CNTN4: variants seen among roughly 807,000 people sequenced by gnomAD.
CNTN4 encodes contactin 4.
Under a neutral mutation model 122.5 loss-of-function variants are expected in CNTN4, and 77 were observed. That is an observed-to-expected ratio of 0.63 (90% CI 0.52 to 0.76). The LOEUF (loss-of-function observed/expected upper bound fraction) is 0.76, where lower values mean the gene tolerates loss of function less well. Among genes scored for constraint, CNTN4 ranks in the 30% least tolerant of loss-of-function variants. The probability of loss-of-function intolerance (pLI) is 0.00; values close to 1 mark genes in which losing one functional copy is unlikely to be tolerated. For synonymous variants in CNTN4, 512 were observed against 447.0 expected (o/e 1.15, Z -1.83); for missense variants, 1,256 against 1,259.1 (o/e 1.00, Z 0.04).
intron 2 of CNTN4, among the ~76,000 whole-genome samples, chr3:2,231,659 G>C (rs2039493155): frequency 6.6e-6 from 1 of 152,034 alleles, no homozygotes; most frequent in Non-Finnish European, 1.5e-5. Flanking sequence ...AATCAAATTG[G>C]TTATTTTGGG....
At chr3:2,182,764 C>A (rs1237215514) in intron 2 of CNTN4, among the ~76,000 whole-genome samples, 4 of 151,418 alleles carry the variant, frequency 2.6e-5, no homozygotes, top group Admixed American at 2.0e-4. Flanking sequence ...AAAACTTCCG[C>A]ATAAGTTTGT....
chr3:2,288,544 T>C (rs2042022434), intron 2 of CNTN4, among the ~76,000 whole-genome samples: 1 of 152,064 alleles, frequency 6.6e-6, no homozygotes, highest in South Asian at 2.1e-4. Flanking sequence ...CAACATGAGA[T>C]TTTGAGGAGA....
chr3:2,212,823 C>T (rs1165979663), intron 2 of CNTN4, among the ~76,000 whole-genome samples: 1 of 152,146 alleles, frequency 6.6e-6, no homozygotes, highest in Non-Finnish European at 1.5e-5. Context: ...AGATGAGAAC[C>T]AAAGATATTT....
chr3:2,787,787 G>A (rs1204758596), intron 6 of CNTN4, among the ~76,000 whole-genome samples: 7 of 77,252 alleles, frequency 9.1e-5, no homozygotes, highest in South Asian at 5.1e-4. Context: ...TGTTTTGTGG[G>A]TTTTTGTTTT....
intron 3 of CNTN4, among the ~76,000 whole-genome samples, chr3:2,357,227 C>A (rs1559482546): frequency 6.6e-6 from 1 of 152,146 alleles, no homozygotes; most frequent in Non-Finnish European, 1.5e-5. Context: ...GTTTTCATAT[C>A]CAGAATCACT....
chr3:2,669,034 A>G (rs1019382206), intron 4 of CNTN4, among the ~76,000 whole-genome samples: 2 of 152,118 alleles, frequency 1.3e-5, no homozygotes, highest in African/African-American at 4.8e-5. Context: ...TTCATCAGGT[A>G]TATTGGTCTA....
At chr3:2,133,440 A>G (rs1275813518) in intron 2 of CNTN4, among the ~76,000 whole-genome samples, 1 of 152,224 alleles carries the variant, frequency 6.6e-6, no homozygotes, top group Non-Finnish European at 1.5e-5. Context: ...GAATAAGATA[A>G]TGATGGTATT....
At chr3:2,528,975 T>C (rs2077498541) in intron 3 of CNTN4, among the ~76,000 whole-genome samples, 1 of 152,156 alleles carries the variant, frequency 6.6e-6, no homozygotes, top group Non-Finnish European at 1.5e-5. Flanking sequence ...TCCTCTCTTC[T>C]AGCTTTCTGA....
intron 3 of CNTN4, among the ~76,000 whole-genome samples, chr3:2,528,333 G>A (rs1040462700): frequency 1.3e-5 from 2 of 152,024 alleles, no homozygotes; most frequent in South Asian, 2.1e-4. Context: ...TTTTGATTGT[G>A]TATTATCTCA....
rs918599171 is a variant in CNTN4 at position 2,233,346 on chromosome 3, C to T, written c.-144-105832C>T. On this transcript the variant is annotated intron_variant, in intron 2 of 24. Transcript: ENST00000418658. Reference sequence around the variant, plus strand: ...TCCACTGGAAACACACTTCATAACTCCACCGTATGGCCTCTACATAACCTC... The same window carrying T: ...TCCACTGGAAACACACTTCATAACTTCACCGTATGGCCTCTACATAACCTC... 8.5e-5 allele frequency among the ~76,000 whole-genome samples: 13 copies of T among 152,200 alleles called. No individual in the cohort carries two copies. In the South Asian group the frequency reaches 1.9e-3, roughly 22 times the overall value.
At chr3:2,790,587 T>A (rs2091978069) in intron 6 of CNTN4, among the ~76,000 whole-genome samples, 1 of 152,158 alleles carries the variant, frequency 6.6e-6, no homozygotes, top group African/African-American at 2.4e-5. Context: ...CTGTTTAACA[T>A]GCCAGGCAAA....
chr3:2,483,754 A>G (rs926319379), intron 3 of CNTN4, among the ~76,000 whole-genome samples: 1 of 152,138 alleles, frequency 6.6e-6, no homozygotes, highest in South Asian at 2.1e-4. Flanking sequence ...TTCTACCATG[A>G]TTGTAAGTTT....
chr3:2,634,107 C>A (rs2150060742), intron 4 of CNTN4, among the ~76,000 whole-genome samples: 1 of 152,292 alleles, frequency 6.6e-6, no homozygotes, highest in Middle Eastern at 3.4e-3. Context: ...ATCTACTATG[C>A]ATTTAAGGAA....
intron 2 of CNTN4, among the ~76,000 whole-genome samples, chr3:2,181,877 T>C (rs2037032830): frequency 6.6e-6 from 1 of 152,114 alleles, no homozygotes; most frequent in South Asian, 2.1e-4. Flanking sequence ...ATATGTAAAG[T>C]ATAACACTAC....
intron 7 of CNTN4, among the ~76,000 whole-genome samples, chr3:2,831,776 T>G (rs1300050437): frequency 6.6e-6 from 1 of 152,170 alleles, no homozygotes; most frequent in Non-Finnish European, 1.5e-5. Flanking sequence ...GAATCTCTAC[T>G]TTGTGAAGTA....
intron 4 of CNTN4, among the ~76,000 whole-genome samples, chr3:2,616,360 T>C (rs1326019527): frequency 6.6e-6 from 1 of 152,226 alleles, no homozygotes; most frequent in East Asian, 1.9e-4. Context: ...TACCACATTT[T>C]CTTTTTCCAG....
At chr3:2,430,164 C>G (rs1466615276) in intron 3 of CNTN4, among the ~76,000 whole-genome samples, 2 of 152,068 alleles carry the variant, frequency 1.3e-5, no homozygotes, top group South Asian at 4.1e-4. Flanking sequence ...TGGCTCACAC[C>G]TGTAATCCCA....
chr3:2,813,044 T>G (rs1384821113), intron 6 of CNTN4, among the ~76,000 whole-genome samples: 1 of 152,134 alleles, frequency 6.6e-6, no homozygotes, highest in Admixed American at 6.5e-5. Flanking sequence ...TTTGTAAATT[T>G]CGATTTATTT....
chr3:2,574,456 A>T (rs2079569753), intron 4 of CNTN4, among the ~76,000 whole-genome samples: 1 of 152,128 alleles, frequency 6.6e-6, no homozygotes. Context: ...CCTGCAAGGG[A>T]TGCAACTGAT....
Sources: gnomAD v4.1 joint callset for allele counts (sites outside exome capture counted in the v4.1 genomes callset) on GRCh38, gnomAD v4.1.1 for gene constraint, MANE v1.5 for transcripts, NCBI Gene and HGNC (gene_info 2026-07-23, HGNC 2026-07-21) for gene names.